Variants in ANKRD60 observed in about 807,000 individuals in gnomAD.
ANKRD60 encodes ankyrin repeat domain 60.
ANKRD60 carries 24 observed loss-of-function variants against 21.3 expected under a neutral mutation model. The observed-to-expected ratio is 1.13, with a 90% CI of 0.82 to 1.59. The LOEUF (loss-of-function observed/expected upper bound fraction) is 1.59, where lower values mean the gene tolerates loss of function less well. ANKRD60 is among the 40% of genes most tolerant of loss of function. The pLI is 0.00. For missense variants in ANKRD60, 490 were observed against 466.7 expected, an observed-to-expected ratio of 1.05 and a Z score of -0.46; for synonymous variants, 182 against 199.4, an observed-to-expected ratio of 0.91 and a Z score of 0.74.
Position 58,228,499 on chromosome 20 carries a change from C to T in ANKRD60, c.155G>A (p.Arg52Lys). 6.9e-7 allele frequency: 1 copy of T among 1,447,592 alleles called. No individual in the cohort carries two copies. Among genetic ancestry groups the T allele is most frequent in the Non-Finnish European group, 9.0e-7 (1 of 1,109,296 alleles). 89.7% of individuals were successfully genotyped at this position (1,447,592 alleles called of 1,614,324 possible). Reference sequence around the variant, plus strand: ...GGCCCGCGAGTCCGCCGAGCCCACCCTGGGCCCGCCGCACCCCTGAGCCCC... The same window carrying T: ...GGCCCGCGAGTCCGCCGAGCCCACCTTGGGCCCGCCGCACCCCTGAGCCCC... Residue 52 changes from arginine to lysine, a missense_variant, in exon 1 of 4, where the codon AGG becomes AAG. Transcript: ENST00000457363. This position sits in a 1 kb window ranked among gnomAD's most constrained non-coding sequence, Gnocchi z 5.3.
chr20:58,218,608 G>A (rs1184770619), exon 4 of ANKRD60: 5 of 1,551,796 alleles, frequency 3.2e-6, no homozygotes, highest in Non-Finnish European at 4.4e-6. Context: ...GCTATCCGGT[G>A]GAGGAGGACC....
chr20:58,223,057 T>G lies in ANKRD60; in HGVS notation c.556A>C (p.Ser186Arg), dbSNP rs1984294642. The G allele has an allele frequency of 1.9e-6, 3 of 1,547,646 alleles. No individual in the cohort carries two copies. The African/African-American group carries it at 4.1e-5, about 21-fold the overall frequency. Residue 186 changes from serine (S) to arginine (R), a missense_variant, in exon 2 of 4, where the codon AGC becomes CGC. Transcript: ENST00000457363. Reference sequence around the variant, plus strand: ...TTAAAGAAGCTTGAAAACACCTTGCTGGGATCCCCTTCCACAGCCGCCAAA... The same window carrying G: ...TTAAAGAAGCTTGAAAACACCTTGCGGGGATCCCCTTCCACAGCCGCCAAA...
intron 3 of ANKRD60, among the ~76,000 whole-genome samples, chr20:58,219,415 G>T (rs1984199419): frequency 6.6e-6 from 1 of 152,126 alleles, no homozygotes; most frequent in South Asian, 2.1e-4. Context: ...CTCCAGGAGG[G>T]CAGAAAATAC....
At chr20:58,227,541 A>C (rs1464020756) in intron 1 of ANKRD60, among the ~76,000 whole-genome samples, 10 of 151,802 alleles carry the variant, frequency 6.6e-5, no homozygotes, top group Non-Finnish European at 1.5e-4. Flanking sequence ...TGGTAGCTGG[A>C]GGATTTGGGG....
At chr20:58,224,367 T>C (rs563469141) in intron 1 of ANKRD60, among the ~76,000 whole-genome samples, 37 of 152,246 alleles carry the variant, frequency 2.4e-4, no homozygotes, top group Admixed American at 9.8e-4. Flanking sequence ...TTTGTGCTTA[T>C]GTACTAGGTA....
At chr20:58,221,646 T>G in intron 2 of ANKRD60, 143 bp from the exon 3 acceptor site, 1 of 937,576 alleles carries the variant, frequency 1.1e-6, no homozygotes, top group Non-Finnish European at 1.6e-6. Flanking sequence ...CAAACCCTCA[T>G]GAAAAGCTGA....
At chr20:58,221,196 C>T (rs1781988920) in intron 3 of ANKRD60, 142 bp downstream of exon 3, 1 of 884,134 alleles carries the variant, frequency 1.1e-6, no homozygotes, top group Non-Finnish European at 1.7e-6. Flanking sequence ...GTGAGTGGCA[C>T]CATGGGGACC....
intron 3 of ANKRD60, 136 bp from the exon 4 acceptor site, chr20:58,218,941 C>G (rs1742824059): frequency 1.3e-6 from 1 of 753,634 alleles, no homozygotes; most frequent in Non-Finnish European, 2.1e-6. Context: ...GCCCCCAGTC[C>G]ACTCCCCTGG....
intron 3 of ANKRD60, among the ~76,000 whole-genome samples, chr20:58,220,213 C>T (rs1008113291): frequency 6.6e-6 from 1 of 152,352 alleles, no homozygotes; most frequent in African/African-American, 2.4e-5. Context: ...ATTGACCAAA[C>T]ACCACGTAAC....
chr20:58,228,260 G>C lies in ANKRD60; in HGVS notation c.394C>G (p.Pro132Ala). ...TACTGGAGCCGCTGGAGGTTGAAGG[G>C]GATGCCGACCATCAGGTCCAGCTCC... Residue 132 changes from proline to alanine, a missense_variant, in exon 1 of 4, where the codon CCC becomes GCC. By Grantham distance (27) the Pro-to-Ala change is conservative. Transcript: ENST00000457363. This position sits in a 1 kb window ranked among gnomAD's most constrained non-coding sequence, Gnocchi z 5.3. 6.4e-7 allele frequency: 1 copy of C among 1,551,134 alleles called. No individual in the cohort carries two copies. The highest frequency in any genetic ancestry group is 8.7e-7 in the Non-Finnish European group (1 of 1,146,712).
At chr20:58,222,367 A>G (rs1984276764) in intron 2 of ANKRD60, among the ~76,000 whole-genome samples, 1 of 152,094 alleles carries the variant, frequency 6.6e-6, no homozygotes, top group Non-Finnish European at 1.5e-5. Flanking sequence ...AAGAGCGCCA[A>G]TCCCAGCCCC....
chr20:58,225,334 TCTTA>T (rs1984343393), intron 1 of ANKRD60, among the ~76,000 whole-genome samples: 1 of 152,236 alleles, frequency 6.6e-6, no homozygotes, highest in Non-Finnish European at 1.5e-5. Flanking sequence ...GTTTGGGAAC[TCTTA>T]CTAAGTCCTT....
chr20:58,225,307 T>C (rs1984343055), intron 1 of ANKRD60, among the ~76,000 whole-genome samples: 1 of 152,206 alleles, frequency 6.6e-6, no homozygotes, highest in Non-Finnish European at 1.5e-5. Flanking sequence ...TGAGGATACA[T>C]AATTTTCAAA....
chr20:58,225,937 T>C (rs1039396406), intron 1 of ANKRD60, among the ~76,000 whole-genome samples: 4 of 152,036 alleles, frequency 2.6e-5, no homozygotes, highest in African/African-American at 9.7e-5. Flanking sequence ...AGGAGACTGA[T>C]GGAAGGAGAG....
At chr20:58,219,456 G>A (rs932018830) in intron 3 of ANKRD60, among the ~76,000 whole-genome samples, 1 of 152,122 alleles carries the variant, frequency 6.6e-6, no homozygotes, top group East Asian at 1.9e-4. Context: ...TTCTCATCCC[G>A]AGCACATAGC....
At chr20:58,226,096 C>G (rs1464300195) in intron 1 of ANKRD60, among the ~76,000 whole-genome samples, 1 of 152,140 alleles carries the variant, frequency 6.6e-6, no homozygotes, top group African/African-American at 2.4e-5. Context: ...CCGATGTGAA[C>G]AAGGACACAG....
chr20:58,222,675 A>T (rs1397304095), intron 2 of ANKRD60, among the ~76,000 whole-genome samples: 2 of 152,194 alleles, frequency 1.3e-5, no homozygotes, highest in Non-Finnish European at 2.9e-5. Context: ...CACCTGGCGG[A>T]GGCCTGTACC....
intron 3 of ANKRD60, among the ~76,000 whole-genome samples, 169 bp from the exon 4 acceptor site, chr20:58,218,974 A>G (rs1169728061): frequency 6.6e-6 from 1 of 152,014 alleles, no homozygotes; most frequent in Non-Finnish European, 1.5e-5. Flanking sequence ...ATCTTTCCAG[A>G]ATGCCCATAT....
chr20:58,222,092 A>G (rs1327324993), intron 2 of ANKRD60, among the ~76,000 whole-genome samples: 2 of 152,208 alleles, frequency 1.3e-5, no homozygotes, highest in Admixed American at 6.5e-5. Context: ...GAGGATCAGA[A>G]TCGAGACGAG....
Sources: gnomAD v4.1 joint callset for allele counts (sites outside exome capture counted in the v4.1 genomes callset) on GRCh38, gnomAD v4.1.1 for gene constraint, Gnocchi (gnomAD v3.1) non-coding constraint, MANE v1.5 for transcripts, NCBI Gene and HGNC (gene_info 2026-07-23, HGNC 2026-07-21) for gene names.